Variants in VDAC2 observed in about 807,000 individuals in gnomAD.
VDAC2 encodes non-selective voltage-gated ion channel VDAC2.
Under a neutral mutation model 36.6 loss-of-function variants are expected in VDAC2, and 6 were observed. That is an observed-to-expected ratio of 0.16 (90% confidence interval 0.09 to 0.32). VDAC2 has a LOEUF of 0.32. Ranked by LOEUF, VDAC2 falls within the 10% of genes least tolerant of loss-of-function variation. VDAC2 has a pLI of 1.00. For synonymous variants in VDAC2, 109 were observed against 123.8 expected (o/e 0.88, Z 0.79); for missense variants, 247 against 346.0 (o/e 0.71, Z 2.27).
At chr10:75,210,428 A>G (rs577014664), upstream of VDAC2, among the ~76,000 whole-genome samples, 830 of 152,264 alleles carry the variant, frequency 5.5e-3, 5 homozygotes, top group African/African-American at 0.019. Context: ...GGGGAGTAGG[A>G]GAGATCTACG....
intron 1 of VDAC2, 83 bp from the exon 2 acceptor site, chr10:75,211,051 C>G (rs1461606274): frequency 7.6e-7 from 1 of 1,315,972 alleles, no homozygotes; most frequent in Non-Finnish European, 1.0e-6. Context: ...CCGCGCTGCC[C>G]CGCGGCCCCT....
chr10:75,218,263 C>G (rs1197578375), intron 4 of VDAC2: 1 of 161,862 alleles, frequency 6.2e-6, no homozygotes, highest in Non-Finnish European at 1.4e-5. Context: ...TCAAGCAGTC[C>G]TCCCACCTCT....
In VDAC2 at chr10:75,210,881, C is replaced by T. The variant is rs1034196934; in HGVS notation, c.-83C>T. The T allele has an allele frequency of 1.4e-5, 5 of 369,572 alleles. No homozygotes were observed. Among genetic ancestry groups the T allele is most frequent in the Non-Finnish European group, 2.4e-5 (5 of 206,080 alleles). 22.9% of individuals were successfully genotyped at this position (369,572 alleles called of 1,614,324 possible). ...AGCTGCAGCCCGACCGCGAGCGTGC[C>T]AAGCGGCTTCAGCAGCTAGCGGAGC... is the stretch of plus-strand genomic sequence containing the variant. On this transcript the variant is annotated 5_prime_UTR_variant, in exon 1 of 10. Coordinates refer to ENST00000332211, the MANE Select transcript of VDAC2 (RefSeq NM_001391963.1).
At chr10:75,224,998 T>G (rs1458521160) in intron 8 of VDAC2, among the ~76,000 whole-genome samples, 2 of 152,222 alleles carry the variant, frequency 1.3e-5, no homozygotes, top group African/African-American at 2.4e-5. Context: ...AAACTGATTT[T>G]TTTTGTACCA....
Position 75,214,208 on chromosome 10 carries a change from TA to T in VDAC2, c.150+140del, listed in dbSNP as rs1179702408. On this transcript the variant is annotated intron_variant, in intron 4 of 9. Coordinates refer to ENST00000332211, the MANE Select transcript of VDAC2 (RefSeq NM_001391963.1). ...AACTTTGTTTTAAGAGATTTGCGTG[TA>T]ACCTGATTTATTTTGGCCTTGAATG... 5 of 838,034 alleles carry T rather than the reference TA, an allele frequency of 6.0e-6. No individual in the cohort carries two copies. The East Asian group carries it at 1.1e-4, about 19-fold the overall frequency. The allele number at this position is 838,034 out of a possible 1,614,324, so 51.9% of individuals were successfully genotyped here.
At chr10:75,226,489 G>GTAC (rs1841957153) in intron 8 of VDAC2, among the ~76,000 whole-genome samples, 1 of 117,616 alleles carries the variant, frequency 8.5e-6, no homozygotes, top group East Asian at 2.7e-4. Flanking sequence ...AAATCTCACT[G>GTAC]TCATCCAGGC....
At chr10:75,218,947 A>AGG (rs1554871030) in intron 4 of VDAC2, 116 bp from the exon 5 acceptor site, 4 of 1,039,738 alleles carry the variant, frequency 3.8e-6, no homozygotes, top group Admixed American at 2.5e-5. Context: ...AAGCTAGAAA[A>AGG]AGGATTCATG....
intron 4 of VDAC2, chr10:75,218,006 T>TG: frequency 8.4e-7 from 1 of 1,192,840 alleles, no homozygotes; most frequent in African/African-American, 1.6e-5. Context: ...GTGGATCACT[T>TG]GAGCCTGGGA....
intron 2 of VDAC2, among the ~76,000 whole-genome samples, chr10:75,211,874 C>T (rs1024543118): frequency 6.6e-6 from 1 of 152,188 alleles, no homozygotes; most frequent in South Asian, 2.1e-4. Context: ...TTAGTTAAAT[C>T]AGCTCATCTC....
chr10:75,227,577 A>ATTTTT (rs35378957), intron 8 of VDAC2, among the ~76,000 whole-genome samples: 16,632 of 98,894 alleles, frequency 0.17, 1,370 homozygotes, highest in East Asian at 0.27. Context: ...AATAATAGGA[A>ATTTTT]TTTTTTTTTT....
chr10:75,215,732 T>C (rs1018565721), intron 4 of VDAC2, among the ~76,000 whole-genome samples: 1 of 150,752 alleles, frequency 6.6e-6, no homozygotes, highest in Non-Finnish European at 1.5e-5. Flanking sequence ...TTTTTTTTTT[T>C]TTCCTCTGAG....
chr10:75,229,353 G>A (rs1400294171), intron 8 of VDAC2: 1 of 227,058 alleles, frequency 4.4e-6, no homozygotes, highest in East Asian at 9.9e-5. Flanking sequence ...AATTAACAAA[G>A]ATGATTTTTA....
At chr10:75,217,863 A>AT in intron 4 of VDAC2, 1 of 1,241,846 alleles carries the variant, frequency 8.1e-7, no homozygotes, top group Non-Finnish European at 1.0e-6. Flanking sequence ...TATTGATACA[A>AT]TTTTTGATAT....
At chr10:75,222,451 G>A in intron 8 of VDAC2, 49 bp downstream of exon 8, 1 of 1,602,890 alleles carries the variant, frequency 6.2e-7, no homozygotes, top group Non-Finnish European at 8.5e-7. Flanking sequence ...GTGGGAATGA[G>A]TCTTTGGGTA....
intron 8 of VDAC2, among the ~76,000 whole-genome samples, chr10:75,223,034 G>A (rs1841861741): frequency 6.7e-6 from 1 of 150,038 alleles, no homozygotes; most frequent in Non-Finnish European, 1.5e-5. Flanking sequence ...GGGCTGGGGT[G>A]CAGTAGTGCG....
chr10:75,211,458 T>C, intron 2 of VDAC2: 1 of 1,499,438 alleles, frequency 6.7e-7, no homozygotes, highest in Non-Finnish European at 8.9e-7. Context: ...AAAAAGTTGT[T>C]AATTGGGGAT....
At chr10:75,227,661 A>T (rs1230043490) in intron 8 of VDAC2, among the ~76,000 whole-genome samples, 1 of 128,970 alleles carries the variant, frequency 7.8e-6, no homozygotes, top group Non-Finnish European at 1.5e-5. Context: ...TGCTCTGCTC[A>T]CTGCAACCTC....
Position 75,219,440 on chromosome 10 carries a change from A to C in VDAC2, c.356+84A>C, listed in dbSNP as rs139668350. On this transcript the variant is annotated intron_variant, in intron 6 of 9. Transcript: ENST00000332211. ...AGAAAAGGTGTACATTTACTGTTTG[A>C]TAGCTTATTAAGCTACCTTGTGGTG... 276 of 1,139,522 alleles carry C rather than the reference A, an allele frequency of 2.4e-4. 1 individual carries two copies. The highest frequency in any genetic ancestry group is 3.2e-4 in the Non-Finnish European group (254 of 791,862). 70.6% of individuals were successfully genotyped at this position (1,139,522 alleles called of 1,614,324 possible). A position where few individuals can be genotyped will look rare whatever the true frequency, so the allele number is the denominator to read the frequency against.
intron 9 of VDAC2, among the ~76,000 whole-genome samples, chr10:75,230,555 T>C (rs1431981799): frequency 6.6e-6 from 1 of 152,190 alleles, no homozygotes; most frequent in Non-Finnish European, 1.5e-5. Flanking sequence ...TTCCCAAATG[T>C]GTCTTTATTG....
Sources: gnomAD v4.1 joint callset for allele counts (sites outside exome capture counted in the v4.1 genomes callset) on GRCh38, gnomAD v4.1.1 for gene constraint, MANE v1.5 for transcripts, NCBI Gene and HGNC (gene_info 2026-07-23, HGNC 2026-07-21) for gene names.